The following MAML2 variants were observed in gnomAD, a reference collection of about 807,000 sequenced individuals.
The protein encoded by MAML2 is mastermind-like protein 2.
MAML2 carries 22 observed loss-of-function variants against 96.1 expected under a neutral mutation model. That is an observed-to-expected ratio of 0.23 (90% CI 0.16 to 0.33). MAML2 has a LOEUF of 0.33. MAML2 is among the 10% of genes least tolerant of loss of function. The pLI is 1.00. For missense variants in MAML2, 1,367 were observed against 1,392.4 expected (o/e 0.98, Z 0.29); for synonymous variants, 561 against 521.3 (o/e 1.08, Z -1.04).
chr11:96,299,060 A>AAAATATATATAT (rs55878534), intron 1 of MAML2, among the ~76,000 whole-genome samples: 1 of 56,340 alleles, frequency 1.8e-5, no homozygotes, highest in African/African-American at 9.0e-5. Flanking sequence ...AAAAAAAAAA[A>AAAATATATATAT]ATATATATAT....
chr11:96,219,772 C>T (rs989667635), intron 1 of MAML2, among the ~76,000 whole-genome samples: 8 of 152,062 alleles, frequency 5.3e-5, no homozygotes, highest in Admixed American at 2.0e-4. Flanking sequence ...ATTACAGATA[C>T]CTGCCACGAT....
intron 1 of MAML2, among the ~76,000 whole-genome samples, chr11:96,239,346 C>T (rs527077): frequency 0.24 from 35,929 of 152,098 alleles, 4,470 homozygotes; most frequent in Admixed American, 0.32. Flanking sequence ...CTGTTGACCC[C>T]TATTGGAGGC....
Position 96,092,290 on chromosome 11 carries a change from G to A in MAML2, c.1741C>T (p.Pro581Ser). 6.4e-7 allele frequency: 1 copy of A among 1,566,400 alleles called. No individual in the cohort carries two copies. The highest frequency in any genetic ancestry group is 8.7e-7 in the Non-Finnish European group (1 of 1,155,072). The change falls in exon 2 of 5, where the codon CCT (proline) becomes TCT (serine). Residue 581 changes from proline (P) to serine (S), a missense_variant. Pro to Ser is a moderately conservative substitution (Grantham distance 74). Coordinates refer to ENST00000524717, the MANE Select transcript of MAML2 (RefSeq NM_032427.4). The surrounding 1 kb of genome is among the most constrained non-coding windows in gnomAD (Gnocchi z 4.1). ...TGTTGGGTGTAGTGTAGGAGAGAAGGCTTGTTCTGGGAAGGCAAAACAGAA... is the reference window on the plus strand; with the variant it reads ...TGTTGGGTGTAGTGTAGGAGAGAAGACTTGTTCTGGGAAGGCAAAACAGAA... Reference protein sequence around the residue: ...MPSVLPSQNKPSLLHYTQQQQ... With the variant: ...MPSVLPSQNKSSLLHYTQQQQ...
Position 95,985,405 on chromosome 11 carries a change from T to C in MAML2, c.2455+126A>G, listed in dbSNP as rs2033535957. ...TTTAACTGTAGTCTTGGCATGAAAG[T>C]CAAATGGGAGTTAGAAATTCTAAGA... is the stretch of plus-strand genomic sequence containing the variant. On this transcript the variant is annotated intron_variant, in intron 4 of 4. Coordinates refer to ENST00000524717, the MANE Select transcript of MAML2 (RefSeq NM_032427.4). 5 of 614,470 alleles carry C rather than the reference T, an allele frequency of 8.1e-6. No homozygotes were observed. In the African/African-American group the frequency reaches 9.4e-5, roughly 12 times the overall value. 38.1% of individuals were successfully genotyped at this position (614,470 alleles called of 1,614,324 possible).
chr11:96,188,281 C>T (rs1861601735), intron 1 of MAML2, among the ~76,000 whole-genome samples: 1 of 152,204 alleles, frequency 6.6e-6, no homozygotes, highest in Admixed American at 6.5e-5. Context: ...TAAGCAGTTC[C>T]TATAACCTTT....
At position 96,231,055 on chromosome 11, in the gene MAML2, T is replaced by A. The variant is rs537405709; in HGVS notation, c.513+110328A>T. Among the ~76,000 whole-genome samples the A allele has an allele frequency of 9.9e-4, 147 of 148,856 alleles. 1 individual carries two copies. Among genetic ancestry groups the A allele is most frequent in the African/African-American group, 3.4e-3 (134 of 39,664 alleles). On this transcript the variant is annotated intron_variant, in intron 1 of 4. Coordinates refer to ENST00000524717, the MANE Select transcript of MAML2 (RefSeq NM_032427.4). ...GAGTATTTAATGACAAGCGAATAGA[T>A]GTGAATGAGAAAGAGGTCAAGATTT...
Position 96,196,407 on chromosome 11 carries a change from G to A in MAML2, c.514-102890C>T, listed in dbSNP as rs1470227264. ...GCATGAACATAAAACCCCTCCTCTT[G>A]GGGAAATGCTATCTTGTTTTCCTGG... On this transcript the variant is annotated intron_variant, in intron 1 of 4. Coordinates refer to ENST00000524717, the MANE Select transcript of MAML2 (RefSeq NM_032427.4). Among the ~76,000 whole-genome samples, 27 of 152,196 alleles carry A rather than the reference G, an allele frequency of 1.8e-4. 1 individual carries two copies. The highest frequency in any genetic ancestry group is 1.8e-3 in the Admixed American group (27 of 15,280).
chr11:96,167,757 C>T (rs1236443648), intron 1 of MAML2, among the ~76,000 whole-genome samples: 1 of 152,132 alleles, frequency 6.6e-6, no homozygotes, highest in Admixed American at 6.5e-5. Context: ...TTATTTTGAG[C>T]ACCTAATATT....
intron 1 of MAML2, among the ~76,000 whole-genome samples, chr11:96,234,403 C>T (rs1005851381): frequency 6.6e-6 from 1 of 152,180 alleles, no homozygotes; most frequent in Admixed American, 6.5e-5. Flanking sequence ...ATCACTTGAA[C>T]CCGGGAGGCG....
chr11:96,194,829 C>A (rs2135924670), intron 1 of MAML2, among the ~76,000 whole-genome samples: 1 of 152,294 alleles, frequency 6.6e-6, no homozygotes, highest in East Asian at 1.9e-4. Flanking sequence ...AATTCATGAT[C>A]CCTCCCTGCC....
At chr11:96,228,512 T>G (rs1356591851) in intron 1 of MAML2, among the ~76,000 whole-genome samples, 1 of 152,176 alleles carries the variant, frequency 6.6e-6, no homozygotes. Flanking sequence ...TCAGGATGAC[T>G]TCCTGCCACA....
At chr11:95,994,207 G>A (rs773988732) in intron 2 of MAML2, among the ~76,000 whole-genome samples, 2 of 152,286 alleles carry the variant, frequency 1.3e-5, no homozygotes, top group Admixed American at 6.5e-5. Context: ...AGAAGGACAG[G>A]GGAGTGAGGA....
At chr11:96,280,835 C>G (rs915930319) in intron 1 of MAML2, among the ~76,000 whole-genome samples, 1 of 151,998 alleles carries the variant, frequency 6.6e-6, no homozygotes, top group African/African-American at 2.4e-5. Flanking sequence ...TGGTATAAAC[C>G]TTTCTCATTT....
At chr11:96,110,238 T>C (rs1311502375) in intron 1 of MAML2, among the ~76,000 whole-genome samples, 4 of 152,148 alleles carry the variant, frequency 2.6e-5, no homozygotes, top group Non-Finnish European at 5.9e-5. Context: ...AAAGCTCTAC[T>C]GGAGGAAGGA....
chr11:96,082,002 C>A (rs1354574608), intron 2 of MAML2, among the ~76,000 whole-genome samples: 2 of 152,158 alleles, frequency 1.3e-5, no homozygotes, highest in Non-Finnish European at 2.9e-5. Context: ...ACACACACCC[C>A]CATCGCATAA....
At chr11:96,085,813 T>C (rs1479606509) in intron 2 of MAML2, among the ~76,000 whole-genome samples, 1 of 152,240 alleles carries the variant, frequency 6.6e-6, no homozygotes, top group Non-Finnish European at 1.5e-5. Context: ...GCTAACATGT[T>C]CTTCTTGTTA....
chr11:96,063,836 C>T (rs1471431900), intron 2 of MAML2, among the ~76,000 whole-genome samples: 1 of 152,220 alleles, frequency 6.6e-6, no homozygotes, highest in East Asian at 1.9e-4. Flanking sequence ...TCTGTTATTG[C>T]ATTTGATTTG....
intron 2 of MAML2, among the ~76,000 whole-genome samples, chr11:96,035,334 A>G (rs1460047741): frequency 1.3e-5 from 2 of 152,210 alleles, no homozygotes; most frequent in Admixed American, 1.3e-4. Flanking sequence ...AGTGTCTTTT[A>G]AAAAAGTAGT....
At chr11:96,331,174 C>G (rs1150311) in intron 1 of MAML2, among the ~76,000 whole-genome samples, 103,346 of 151,930 alleles carry the variant, frequency 0.68, 36,184 homozygotes, top group African/African-American at 0.86. Context: ...AGAAGGCTGG[C>G]GGGGAGGATC....
Sources: gnomAD v4.1 joint callset for allele counts (sites outside exome capture counted in the v4.1 genomes callset) on GRCh38, gnomAD v4.1.1 for gene constraint, Gnocchi (gnomAD v3.1) non-coding constraint, MANE v1.5 for transcripts, NCBI Gene and HGNC (gene_info 2026-07-23, HGNC 2026-07-21) for gene names.